UNC93A: variants seen among roughly 807,000 people sequenced by gnomAD.
UNC93A encodes unc-93 homolog A.
Under a neutral mutation model 47.5 loss-of-function variants are expected in UNC93A, and 43 were observed. The ratio of observed to expected loss-of-function variants is 0.91; its 90% confidence interval spans 0.71 to 1.17. The LOEUF is 1.17. Among genes scored for constraint, UNC93A ranks in the 50% most tolerant of loss-of-function variants. The probability of loss-of-function intolerance (pLI) is 0.00; values close to 1 mark genes in which losing one functional copy is unlikely to be tolerated. For missense variants in UNC93A, 605 were observed against 577.6 expected, an observed-to-expected ratio of 1.05 and a Z score of -0.49; for synonymous variants, 280 against 258.0, an observed-to-expected ratio of 1.09 and a Z score of -0.82.
chr6:167,293,608 C>T (rs778887084), intron 1 of UNC93A, among the ~76,000 whole-genome samples: 15 of 152,188 alleles, frequency 9.9e-5, no homozygotes, highest in Non-Finnish European at 2.2e-4. Flanking sequence ...GGGTTGGCTT[C>T]GCTCTCAGGC....
At chr6:167,270,061 GGT>G (rs1783425779), upstream of UNC93A, among the ~76,000 whole-genome samples, 1 of 136,472 alleles carries the variant, frequency 7.3e-6, no homozygotes, top group African/African-American at 2.7e-5. Context: ...TGGGGGTGGG[GGT>G]GGGGGGGGGG....
intron 6 of UNC93A, among the ~76,000 whole-genome samples, chr6:167,306,314 G>A (rs1778391548): frequency 6.6e-6 from 1 of 152,204 alleles, no homozygotes; most frequent in African/African-American, 2.4e-5. Context: ...TGGGCACTCG[G>A]TGTGGTGACC....
chr6:167,295,420 C>CCCTCGTGCTCCTCGCCTG (rs1554239093), intron 2 of UNC93A, among the ~76,000 whole-genome samples: 1 of 134,596 alleles, frequency 7.4e-6, no homozygotes, highest in Non-Finnish European at 1.5e-5. Context: ...CTCCTCGCCT[C>CCCTCGTGCTCCTCGCCTG]CCTCGTGATC....
chr6:167,307,811 C>T lies in UNC93A; in HGVS notation c.1009C>T (p.Leu337=), dbSNP rs1778444584. The change falls in exon 7 of 8, where the codon CTA becomes TTA. Residue 337 remains leucine (L), a synonymous_variant. Transcript: ENST00000230256. The part of the protein sequence containing the change: ...AVTHVSCMIA[L]LLWRPRADHL... ...GACCCACGTGTCCTGCATGATTGCCCTACTGCTGTGGAGACCTCGTGCTGA... is the reference window on the plus strand; with the variant it reads ...GACCCACGTGTCCTGCATGATTGCCTTACTGCTGTGGAGACCTCGTGCTGA... 1 of 1,613,946 alleles carries T rather than the reference C, an allele frequency of 6.2e-7. No individual in the cohort carries two copies. Among genetic ancestry groups the T allele is most frequent in the Non-Finnish European group, 8.5e-7 (1 of 1,179,966 alleles).
At chr6:167,306,188 A>G in intron 6 of UNC93A, 138 bp downstream of exon 6, 5 of 1,211,456 alleles carry the variant, frequency 4.1e-6, no homozygotes, top group Non-Finnish European at 5.8e-6. Flanking sequence ...AGATGCATTC[A>G]TTCTTTCAGT....
rs1562350600 is a variant in UNC93A at position 167,295,708 on chromosome 6, T to TG, written c.270-324_270-323insG. On this transcript the variant is annotated intron_variant, in intron 2 of 7. Coordinates refer to ENST00000230256, the MANE Select transcript of UNC93A (RefSeq NM_018974.4). ...CCTCGCCTGCCTCGTGCTCCTCGCC[T>TG]CCCTCGTGCTCCTCGCCTTCCTCGT... Among the ~76,000 whole-genome samples the TG allele has an allele frequency of 5.8e-5, 8 of 137,140 alleles. 1 individual carries two copies. In the East Asian group the frequency reaches 1.4e-3, roughly 24 times the overall value. The allele number at this position is 137,140 out of a possible 152,430, so 90.0% of individuals were successfully genotyped here.
intron 1 of UNC93A, among the ~76,000 whole-genome samples, chr6:167,293,443 G>A (rs553561824): frequency 1.2e-4 from 18 of 152,306 alleles, no homozygotes; most frequent in East Asian, 5.8e-4. Context: ...GCATGCGGAC[G>A]TGCTTTAACC....
At position 167,296,104 on chromosome 6, in the gene UNC93A, C is replaced by A. The variant is rs1359726942; in HGVS notation, c.342C>A (p.Tyr114Ter). The part of the protein sequence containing the change: ...AAPLWSAQCT[Y>*]LTITGNTHAE... ...CGCTGTGGTCTGCACAGTGCACATACCTCACGATCACGGGAAACACACATG... is the reference window on the plus strand; with the variant it reads ...CGCTGTGGTCTGCACAGTGCACATAACTCACGATCACGGGAAACACACATG... The change falls in exon 3 of 8, where the codon TAC becomes TAA. Residue 114 changes from tyrosine to a stop codon, truncating the protein, a stop_gained. Coordinates refer to ENST00000230256, the MANE Select transcript of UNC93A (RefSeq NM_018974.4). LOFTEE classifies it high-confidence loss of function. 7 of 1,614,224 alleles carry A rather than the reference C, an allele frequency of 4.3e-6. No individual in the cohort carries two copies. The highest frequency in any genetic ancestry group is 5.9e-6 in the Non-Finnish European group (7 of 1,180,056).
intron 7 of UNC93A, among the ~76,000 whole-genome samples, chr6:167,311,841 C>A (rs12528753): frequency 0.013 from 1,994 of 152,348 alleles, 1 homozygote; most frequent in Admixed American, 0.081. Flanking sequence ...AATGCATTTA[C>A]CCCGTAGGCC....
intron 1 of UNC93A, among the ~76,000 whole-genome samples, chr6:167,272,976 C>T (rs942158630): frequency 6.6e-6 from 1 of 152,006 alleles, no homozygotes; most frequent in Non-Finnish European, 1.5e-5. Context: ...TAAGAGTGCC[C>T]TGGCAGAGGA....
At chr6:167,314,170 C>T (rs1440363932) in intron 7 of UNC93A, among the ~76,000 whole-genome samples, 1 of 152,152 alleles carries the variant, frequency 6.6e-6, no homozygotes, top group Non-Finnish European at 1.5e-5. Context: ...GCATTGTCTC[C>T]AGCACTAAGG....
chr6:167,275,693 C>A (rs1345162323), intron 1 of UNC93A, among the ~76,000 whole-genome samples: 4 of 152,256 alleles, frequency 2.6e-5, no homozygotes, highest in African/African-American at 9.6e-5. Flanking sequence ...CCCAGTCAGA[C>A]TTCCCCACCA....
intron 4 of UNC93A, among the ~76,000 whole-genome samples, chr6:167,302,276 C>T (rs975969346): frequency 1.1e-4 from 17 of 151,998 alleles, no homozygotes; most frequent in South Asian, 4.2e-4. Flanking sequence ...ATGGGTCACA[C>T]GAGGACACTG....
intron 1 of UNC93A, among the ~76,000 whole-genome samples, chr6:167,273,845 A>G (rs9459956): frequency 0.65 from 97,168 of 150,032 alleles, 31,428 homozygotes; most frequent in African/African-American, 0.67. Flanking sequence ...GAAAGGAAAT[A>G]TCTGGGTTAG....
Position 167,297,979 on chromosome 6 carries a change from G to A in UNC93A, c.534G>A (p.Gly178=), listed in dbSNP as rs781154335. The change falls in exon 4 of 8, where the codon GGG becomes GGA. Residue 178 remains glycine (G), a synonymous_variant. Coordinates refer to ENST00000230256, the MANE Select transcript of UNC93A (RefSeq NM_018974.4). ...CAGAAGAGCAGCTCACGTCCTGTGG[G>A]GCCAGTGACTGCCTGATGGCCACCA... ...TLPEEQLTSC[G]ASDCLMATTT... The A allele has an allele frequency of 6.8e-6, 11 of 1,613,870 alleles. No homozygotes were observed. In the Middle Eastern group the frequency reaches 4.9e-4, roughly 72 times the overall value.
At chr6:167,274,895 T>C (rs1366280855) in intron 1 of UNC93A, among the ~76,000 whole-genome samples, 1 of 152,218 alleles carries the variant, frequency 6.6e-6, no homozygotes, top group African/African-American at 2.4e-5. Flanking sequence ...GCTACTTTGA[T>C]TAGGCTCATT....
chr6:167,314,094 T>A (rs991590331), intron 7 of UNC93A, among the ~76,000 whole-genome samples: 20 of 152,128 alleles, frequency 1.3e-4, no homozygotes, highest in Non-Finnish European at 2.8e-4. Context: ...AGAGGGAGCA[T>A]TCATGATGTG....
chr6:167,274,839 C>T (rs530537342), intron 1 of UNC93A, among the ~76,000 whole-genome samples: 52 of 149,654 alleles, frequency 3.5e-4, no homozygotes, highest in African/African-American at 1.2e-3. Flanking sequence ...CCTATGCAGT[C>T]GACTTCTGCA....
chr6:167,309,268 C>G (rs1401298784), intron 7 of UNC93A, among the ~76,000 whole-genome samples: 3 of 152,278 alleles, frequency 2.0e-5, no homozygotes, highest in African/African-American at 7.2e-5. Flanking sequence ...TGCGTGAGAG[C>G]GTTTTGGAGG....
Sources: allele counts gnomAD v4.1 joint callset (sites outside exome capture counted in the v4.1 genomes callset), GRCh38; gene constraint gnomAD v4.1.1; transcripts MANE v1.5; gene names NCBI Gene and HGNC (gene_info 2026-07-23, HGNC 2026-07-21).